CHL1: variants seen among roughly 807,000 people sequenced by gnomAD.
The protein encoded by CHL1 is neural cell adhesion molecule L1-like protein.
In CHL1, 96 loss-of-function variants were observed where a neutral mutation model predicts 141.9. The ratio of observed to expected loss-of-function variants is 0.68; its 90% CI spans 0.57 to 0.80. The LOEUF is 0.80. Among genes scored for constraint, CHL1 ranks in the 30% least tolerant of loss-of-function variants. The pLI is 0.00. For synonymous variants in CHL1, 613 were observed against 502.2 expected (o/e 1.22, Z -2.95); for missense variants, 1,820 against 1,457.2 (o/e 1.25, Z -4.05).
chr3:395,002 C>A, intron 24 of CHL1, 130 bp downstream of exon 24: 1 of 755,684 alleles, frequency 1.3e-6, no homozygotes, highest in Non-Finnish European at 2.0e-6. Context: ...CCCACTCTGT[C>A]TGACCTTCTG....
chr3:273,719 A>T (rs1269907548), intron 2 of CHL1, among the ~76,000 whole-genome samples: 1 of 152,168 alleles, frequency 6.6e-6, no homozygotes, highest in Non-Finnish European at 1.5e-5. Flanking sequence ...TATATCTCTT[A>T]TGAATGCTTC....
At chr3:256,690 A>G (rs1694205473) in intron 2 of CHL1, among the ~76,000 whole-genome samples, 1 of 152,224 alleles carries the variant, frequency 6.6e-6, no homozygotes, top group Admixed American at 6.5e-5. Context: ...AGAGAATTGT[A>G]TTAGTCATCC....
At chr3:312,281 G>C (rs190491034) in intron 2 of CHL1, among the ~76,000 whole-genome samples, 21 of 152,234 alleles carry the variant, frequency 1.4e-4, no homozygotes, top group African/African-American at 5.1e-4. Context: ...AGCTCTGCAG[G>C]GATGATGAGT....
chr3:395,020 C>G lies in CHL1; in HGVS notation c.3094+148C>G, dbSNP rs543322914. Reference sequence around the variant, plus strand: ...ACTCTGTCTGACCTTCTGTTTTCCACTGACATAGAGGCAGAATTTATTAAT... The same window carrying G: ...ACTCTGTCTGACCTTCTGTTTTCCAGTGACATAGAGGCAGAATTTATTAAT... On this transcript the variant is annotated intron_variant, in intron 24 of 27. Transcript: ENST00000256509. 5.9e-6 allele frequency: 4 copies of G among 677,104 alleles called. No homozygotes were observed. In the East Asian group the frequency reaches 1.2e-4, roughly 20 times the overall value. 41.9% of individuals were successfully genotyped at this position (677,104 alleles called of 1,614,324 possible). A position where few individuals can be genotyped will look rare whatever the true frequency, so the allele number is the denominator to read the frequency against.
chr3:386,766 G>A (rs1005021313), intron 19 of CHL1, among the ~76,000 whole-genome samples: 7 of 151,942 alleles, frequency 4.6e-5, no homozygotes, highest in African/African-American at 1.7e-4. Flanking sequence ...TATAATACAA[G>A]TATAATAAGA....
At chr3:263,543 A>G (rs1217117579) in intron 2 of CHL1, among the ~76,000 whole-genome samples, 1 of 152,244 alleles carries the variant, frequency 6.6e-6, no homozygotes, top group Admixed American at 6.5e-5. Context: ...GGTGCATAAG[A>G]CATCATAAAA....
chr3:329,280 A>G (rs954138929), intron 5 of CHL1, among the ~76,000 whole-genome samples: 1 of 152,074 alleles, frequency 6.6e-6, no homozygotes, highest in African/African-American at 2.4e-5. Context: ...AGAGTCCTAG[A>G]TATGAAAGTA....
intron 3 of CHL1, 77 bp downstream of exon 3, chr3:319,944 T>C (rs1051231931): frequency 2.6e-6 from 2 of 773,516 alleles, no homozygotes; most frequent in Non-Finnish European, 4.3e-6. Flanking sequence ...TACTTATGGA[T>C]TGAGGATGTG....
At chr3:287,266 G>A (rs989708801) in intron 2 of CHL1, among the ~76,000 whole-genome samples, 1 of 151,896 alleles carries the variant, frequency 6.6e-6, no homozygotes, top group Non-Finnish European at 1.5e-5. Context: ...AATTCTAGTA[G>A]GTCAGTGAAG....
At chr3:356,208 GA>G (rs1199902500) in intron 11 of CHL1, among the ~76,000 whole-genome samples, 2 of 152,202 alleles carry the variant, frequency 1.3e-5, no homozygotes, top group East Asian at 3.8e-4. Context: ...GAAGGGAAAT[GA>G]AAGCAACTTT....
Position 326,067 on chromosome 3 carries a change from G to A in CHL1, c.197+3G>A, listed in dbSNP as rs1344938293. ...GCTAAAGGAAATCCAGAACCAACGT[G>A]AGTATTGTTTCAAACGAAGTGGTTC... On this transcript the variant is annotated splice_donor_region_variant and intron_variant, in intron 4 of 27. Transcript: ENST00000256509. 1 of 1,590,182 alleles carries A rather than the reference G, an allele frequency of 6.3e-7. No homozygotes were observed. Among genetic ancestry groups the A allele is most frequent in the Non-Finnish European group, 8.6e-7 (1 of 1,159,618 alleles).
chr3:371,720 G>C (rs530420020), intron 15 of CHL1, among the ~76,000 whole-genome samples: 6 of 152,156 alleles, frequency 3.9e-5, no homozygotes, highest in African/African-American at 1.4e-4. Context: ...TTATATTTTG[G>C]TGTGTTTTTG....
intron 9 of CHL1, among the ~76,000 whole-genome samples, chr3:346,262 A>C (rs2125176034): frequency 6.6e-6 from 1 of 152,334 alleles, no homozygotes; most frequent in African/African-American, 2.4e-5. Flanking sequence ...TATTTACATA[A>C]ATTAGTTAGA....
At chr3:394,605 C>A in intron 23 of CHL1, 88 bp from the exon 24 acceptor site, 3 of 949,038 alleles carry the variant, frequency 3.2e-6, no homozygotes, top group South Asian at 1.6e-5. Flanking sequence ...CTTTACGTAC[C>A]ACAAGCATAA....
At chr3:354,876 C>A in intron 11 of CHL1, 105 bp downstream of exon 11, 2 of 1,385,414 alleles carry the variant, frequency 1.4e-6, no homozygotes, top group African/African-American at 1.4e-5. Context: ...GTTGGATTAG[C>A]AGGACAGATA....
At chr3:349,256 A>T in intron 9 of CHL1, 103 bp from the exon 10 acceptor site, 1 of 908,580 alleles carries the variant, frequency 1.1e-6, no homozygotes, top group Non-Finnish European at 1.7e-6. Flanking sequence ...GAATATGAGC[A>T]CATGTGTAAA....
chr3:276,923 G>A (rs1257585036), intron 2 of CHL1, among the ~76,000 whole-genome samples: 1 of 150,104 alleles, frequency 6.7e-6, no homozygotes, highest in Admixed American at 6.6e-5. Flanking sequence ...AAAAGAGTAT[G>A]GGCTCCGGGC....
At chr3:268,903 AATATT>A (rs1320437014) in intron 2 of CHL1, among the ~76,000 whole-genome samples, 1 of 152,196 alleles carries the variant, frequency 6.6e-6, no homozygotes, top group Non-Finnish European at 1.5e-5. Context: ...CAGATGGCAA[AATATT>A]GGCTTTGTTT....
rs968055510 is a variant in CHL1 at position 354,734 on chromosome 3, C to A, written c.1128C>A (p.Pro376=). The change falls in exon 11 of 28, where the codon CCC becomes CCA. Residue 376 remains proline, a synonymous_variant. Transcript: ENST00000256509. ...GTGAGGCTGAAGGAGAACCTCAACC[C>A]ACAATCAAGTGGAGAGTCAATGGCT... is the stretch of plus-strand genomic sequence containing the variant. ...LLCEAEGEPQ[P]TIKWRVNGSP... 1 of 1,613,742 alleles carries A rather than the reference C, an allele frequency of 6.2e-7. No individual in the cohort carries two copies. The highest frequency in any genetic ancestry group is 8.5e-7 in the Non-Finnish European group (1 of 1,179,874).
Sources: gnomAD v4.1 joint callset for allele counts (sites outside exome capture counted in the v4.1 genomes callset) on GRCh38, gnomAD v4.1.1 for gene constraint, MANE v1.5 for transcripts, NCBI Gene and HGNC (gene_info 2026-07-23, HGNC 2026-07-21) for gene names.